The following WDPCP variants were observed in gnomAD, a reference collection of about 807,000 sequenced individuals.
WDPCP encodes the protein WD repeat containing planar cell polarity effector.
Under a neutral mutation model 93.1 loss-of-function variants are expected in WDPCP, and 71 were observed. That is an observed-to-expected ratio of 0.76 (90% confidence interval 0.63 to 0.93). The LOEUF is 0.93. Among genes scored for constraint, WDPCP ranks in the 40% least tolerant of loss-of-function variants. The probability of loss-of-function intolerance (pLI) is 0.00; values close to 1 mark genes in which losing one functional copy is unlikely to be tolerated. For synonymous variants in WDPCP, 315 were observed against 315.0 expected, an observed-to-expected ratio of 1.00 and a Z score of 0.00; for missense variants, 844 against 887.4, an observed-to-expected ratio of 0.95 and a Z score of 0.62.
intron 6 of WDPCP, among the ~76,000 whole-genome samples, chr2:63,450,361 A>G (rs540308188): frequency 6.6e-4 from 101 of 152,180 alleles, no homozygotes; most frequent in African/African-American, 2.4e-3. Flanking sequence ...GCAACCCCGC[A>G]CTGCAGCCAC....
chr2:63,811,187 G>C (rs185282958), intron 2 of WDPCP, among the ~76,000 whole-genome samples: 3 of 152,292 alleles, frequency 2.0e-5, no homozygotes, highest in Admixed American at 6.5e-5. Flanking sequence ...CTATAAGGTG[G>C]CTCCCCATGA....
At chr2:63,588,959 C>T (rs775589492), upstream of WDPCP, 4 of 1,601,324 alleles carry the variant, frequency 2.5e-6, 1 homozygote, top group Non-Finnish European at 3.4e-6. Flanking sequence ...CGCTCGCCCT[C>T]TCCGAGTCAG....
chr2:63,832,553 C>T (rs377507185), upstream of WDPCP, among the ~76,000 whole-genome samples: 4 of 152,228 alleles, frequency 2.6e-5, no homozygotes, highest in South Asian at 2.1e-4. Context: ...GCAGGACTTG[C>T]TTAGAAGTGA....
chr2:63,391,084 A>G (rs1386166249), intron 10 of WDPCP, among the ~76,000 whole-genome samples: 1 of 152,006 alleles, frequency 6.6e-6, no homozygotes, highest in Non-Finnish European at 1.5e-5. Context: ...AGAGACACAC[A>G]CAAAAAAGAG....
chr2:63,797,733 TAGAG>T (rs1172481444), intron 2 of WDPCP, among the ~76,000 whole-genome samples: 2 of 150,952 alleles, frequency 1.3e-5, no homozygotes, highest in Admixed American at 6.6e-5. Flanking sequence ...CTTGAAGAAA[TAGAG>T]AGAGAGGTAG....
At position 63,122,147 on chromosome 2, in the gene WDPCP, A is replaced by T. The variant is rs1669585714; in HGVS notation, c.2191-91T>A. 3.7e-5 allele frequency: 39 copies of T among 1,045,086 alleles called. No homozygotes were observed. In the South Asian group the frequency reaches 5.0e-4, roughly 13 times the overall value. The allele number at this position is 1,045,086 out of a possible 1,614,324, so 64.7% of individuals were successfully genotyped here. ...CTTTATTATTTTTAAGTACTGAAAAATAGTGAAACAAAATAAAATAGTTTA... is the reference window on the plus strand; with the variant it reads ...CTTTATTATTTTTAAGTACTGAAAATTAGTGAAACAAAATAAAATAGTTTA... On this transcript the variant is annotated intron_variant, in intron 17 of 17. Transcript: ENST00000272321.
intron 3 of WDPCP, chr2:63,643,866 C>G: frequency 1.9e-6 from 1 of 537,992 alleles, no homozygotes; most frequent in Non-Finnish European, 3.8e-6. Context: ...ATCTTCTTTA[C>G]TTCATCTCCT....
At chr2:63,307,236 A>G (rs1258484268) in intron 13 of WDPCP, among the ~76,000 whole-genome samples, 1 of 152,214 alleles carries the variant, frequency 6.6e-6, no homozygotes, top group Admixed American at 6.5e-5. Context: ...AGGAAATAAC[A>G]GAGGACACAA....
rs573621317 is a variant in WDPCP, at chr2:63,279,115, C to A, written c.1813-19706G>T. Reference sequence around the variant, plus strand: ...TGCAGAGGATAGGGAAAGAGGGAATCCTCCCTAAATCATTCTATGAAACCA... The same window carrying A: ...TGCAGAGGATAGGGAAAGAGGGAATACTCCCTAAATCATTCTATGAAACCA... On this transcript the variant is annotated intron_variant, in intron 13 of 17. Transcript: ENST00000272321. 8.6e-5 allele frequency among the ~76,000 whole-genome samples: 13 copies of A among 151,978 alleles called. No individual in the cohort carries two copies. The South Asian group carries it at 2.7e-3, about 32-fold the overall frequency.
intron 13 of WDPCP, among the ~76,000 whole-genome samples, chr2:63,265,256 G>A (rs1230915311): frequency 6.6e-6 from 1 of 151,848 alleles, no homozygotes; most frequent in East Asian, 1.9e-4. Context: ...TTTTTGAAAA[G>A]ATAAACAAAA....
chr2:63,699,163 A>G (rs1227684286), intron 2 of WDPCP, among the ~76,000 whole-genome samples: 1 of 152,180 alleles, frequency 6.6e-6, no homozygotes, highest in Non-Finnish European at 1.5e-5. Flanking sequence ...TCCCCTTCCC[A>G]GCTGGTTAGC....
At chr2:63,698,417 A>G (rs1575750369) in intron 2 of WDPCP, among the ~76,000 whole-genome samples, 2 of 152,300 alleles carry the variant, frequency 1.3e-5, no homozygotes, top group East Asian at 3.9e-4. Flanking sequence ...AATGAACTTC[A>G]AACTCATTAA....
chr2:63,823,891 G>T (rs913878965), intron 1 of WDPCP, among the ~76,000 whole-genome samples: 1 of 152,070 alleles, frequency 6.6e-6, no homozygotes, highest in Non-Finnish European at 1.5e-5. Context: ...GTGGGAAATG[G>T]GCTGGGCATG....
chr2:63,528,161 T>C (rs896095187), intron 1 of WDPCP, among the ~76,000 whole-genome samples: 1 of 152,232 alleles, frequency 6.6e-6, no homozygotes, highest in Non-Finnish European at 1.5e-5. Flanking sequence ...TCCCATTCTG[T>C]AGGTTGCCTC....
At chr2:63,644,081 T>G (rs1710017451) in intron 3 of WDPCP, 1 of 357,802 alleles carries the variant, frequency 2.8e-6, no homozygotes, top group Non-Finnish European at 5.5e-6. Context: ...ATGAATGATC[T>G]TTTTAATCTG....
At chr2:63,416,057 G>A (rs1695391822) in intron 9 of WDPCP, among the ~76,000 whole-genome samples, 1 of 151,942 alleles carries the variant, frequency 6.6e-6, no homozygotes, top group South Asian at 2.1e-4. Context: ...TTCCTAAAAT[G>A]AACCAAATAA....
intron 3 of WDPCP, among the ~76,000 whole-genome samples, chr2:63,632,664 T>C (rs1287244736): frequency 2.6e-5 from 4 of 152,094 alleles, no homozygotes; most frequent in African/African-American, 9.7e-5. Context: ...TTTGAAATTA[T>C]CCAGTTAGGG....
intron 6 of WDPCP, among the ~76,000 whole-genome samples, chr2:63,462,840 G>A (rs1366934106): frequency 6.6e-6 from 1 of 152,144 alleles, no homozygotes; most frequent in Non-Finnish European, 1.5e-5. Flanking sequence ...GCCATTCCTT[G>A]AGATTGGGAA....
intron 2 of WDPCP, among the ~76,000 whole-genome samples, chr2:63,697,816 T>G (rs899669521): frequency 2.0e-5 from 3 of 151,378 alleles, no homozygotes; most frequent in African/African-American, 7.3e-5. Flanking sequence ...CCAGGCTAAT[T>G]TTTGTATTTC....
Sources: gnomAD v4.1 joint callset for allele counts (sites outside exome capture counted in the v4.1 genomes callset) on GRCh38, gnomAD v4.1.1 for gene constraint, MANE v1.5 for transcripts, NCBI Gene and HGNC (gene_info 2026-07-23, HGNC 2026-07-21) for gene names.